Variants in PLCB4 observed in about 807,000 individuals in gnomAD.
PLCB4 encodes 1-phosphatidylinositol 4,5-bisphosphate phosphodiesterase beta-4.
Under a neutral mutation model 178.8 loss-of-function variants are expected in PLCB4, and 77 were observed. That is an observed-to-expected ratio of 0.43 (90% CI 0.36 to 0.52). The LOEUF is 0.52. Among genes scored for constraint, PLCB4 ranks in the 20% least tolerant of loss-of-function variants. The probability of loss-of-function intolerance (pLI) is 0.00; values close to 1 mark genes in which losing one functional copy is unlikely to be tolerated. For synonymous variants in PLCB4, 496 were observed against 490.8 expected, an observed-to-expected ratio of 1.01 and a Z score of -0.14; for missense variants, 1,024 against 1,453.4, an observed-to-expected ratio of 0.70 and a Z score of 4.80.
chr20:9,144,065 A>G (rs1355443861), intron 2 of PLCB4, among the ~76,000 whole-genome samples: 2 of 152,170 alleles, frequency 1.3e-5, no homozygotes, highest in Non-Finnish European at 2.9e-5. Context: ...GTTTGCTTTT[A>G]GTTTTATTTG....
At chr20:9,154,905 C>CTCCTTCCCTCCTTCCT (rs1555847682) in intron 2 of PLCB4, among the ~76,000 whole-genome samples, 87 of 62,412 alleles carry the variant, frequency 1.4e-3, no homozygotes, top group Non-Finnish European at 2.2e-3. Context: ...CCCTCCTTCC[C>CTCCTTCCCTCCTTCCT]TCCTTCCTTC....
At chr20:9,185,552 CT>C (rs1393416756) in intron 2 of PLCB4, among the ~76,000 whole-genome samples, 1 of 152,154 alleles carries the variant, frequency 6.6e-6, no homozygotes, top group Non-Finnish European at 1.5e-5. Context: ...ACACTGACCC[CT>C]CTCCGTAGCC....
intron 3 of PLCB4, among the ~76,000 whole-genome samples, chr20:9,238,839 A>G (rs1340659930): frequency 2.0e-5 from 3 of 152,178 alleles, no homozygotes; most frequent in Non-Finnish European, 4.4e-5. Context: ...AACATTTTAG[A>G]TTTTTTAATA....
chr20:9,140,717 C>A (rs563558333), intron 2 of PLCB4, among the ~76,000 whole-genome samples: 1 of 151,972 alleles, frequency 6.6e-6, no homozygotes, highest in African/African-American at 2.4e-5. Context: ...TGCCTGCTCC[C>A]CCTTCGCCTT....
intron 2 of PLCB4, among the ~76,000 whole-genome samples, chr20:9,171,855 G>A (rs111735781): frequency 7.3e-4 from 111 of 152,152 alleles, no homozygotes; most frequent in African/African-American, 2.5e-3. Context: ...ATAATTTTAA[G>A]CCTCAATGGA....
chr20:9,338,015 A>T lies in PLCB4; in HGVS notation c.173A>T (p.Gln58Leu), dbSNP rs1337773496. The T allele has an allele frequency of 6.2e-7, 1 of 1,610,232 alleles. No individual in the cohort carries two copies. The highest frequency in any genetic ancestry group is 1.3e-5 in the African/African-American group (1 of 74,998). Reference sequence around the variant, plus strand: ...TGTATTCTCTCTCTTCAGGAAGGACAGGTGCTAGAATGCTCCCTCATCAAC... The same window carrying T: ...TGTATTCTCTCTCTTCAGGAAGGACTGGTGCTAGAATGCTCCCTCATCAAC... ...LTWRSEGKEG[Q>L]VLECSLINSI... The change falls in exon 6 of 40, where the codon CAG becomes CTG. Residue 58 changes from glutamine (Q) to leucine (L), a missense_variant. Gln to Leu is a moderately radical substitution (Grantham distance 113, BLOSUM62 -2). Transcript: ENST00000378473.
intron 12 of PLCB4, among the ~76,000 whole-genome samples, chr20:9,378,813 C>G (rs2036898381): frequency 6.6e-6 from 1 of 152,066 alleles, no homozygotes; most frequent in Non-Finnish European, 1.5e-5. Context: ...CCAGAAAAGG[C>G]TGGGCCCCAT....
intron 2 of PLCB4, among the ~76,000 whole-genome samples, chr20:9,097,080 GCCCGCCACCACA>G (rs982018824): frequency 6.6e-6 from 1 of 151,774 alleles, no homozygotes; most frequent in Admixed American, 6.6e-5. Context: ...GTCTATAGGT[GCCCGCCACCACA>G]CCCAGCTAAT....
In PLCB4 at chr20:9,459,825, G is replaced by C; in HGVS notation, c.3248+15G>C. The C allele has an allele frequency of 6.4e-7, 1 of 1,568,754 alleles. No homozygotes were observed. The highest frequency in any genetic ancestry group is 8.8e-7 in the Non-Finnish European group (1 of 1,142,794). On this transcript the variant is annotated intron_variant, in intron 35 of 39. Transcript: ENST00000378473. ...TCCCATGACAGGTGGGGGAATTGCC[G>C]TCTCCAGAGTAAACATCTAATATTT... is the stretch of plus-strand genomic sequence containing the variant.
chr20:9,204,876 T>C (rs1018989512), intron 2 of PLCB4, among the ~76,000 whole-genome samples: 3 of 151,954 alleles, frequency 2.0e-5, no homozygotes, highest in African/African-American at 7.3e-5. Flanking sequence ...TAGCAGACTA[T>C]ACGTTGGATT....
intron 3 of PLCB4, among the ~76,000 whole-genome samples, chr20:9,277,458 G>T (rs1165755677): frequency 6.6e-6 from 1 of 151,926 alleles, no homozygotes; most frequent in Non-Finnish European, 1.5e-5. Flanking sequence ...TTTCCTGCTT[G>T]GGTATATGGG....
intron 14 of PLCB4, among the ~76,000 whole-genome samples, chr20:9,385,927 G>A (rs935922711): frequency 2.0e-5 from 3 of 152,126 alleles, no homozygotes; most frequent in Non-Finnish European, 4.4e-5. Context: ...AGGTTGTGGC[G>A]AGCCGAGATC....
intron 3 of PLCB4, among the ~76,000 whole-genome samples, chr20:9,293,846 C>T (rs143307527): frequency 5.9e-4 from 90 of 152,018 alleles, no homozygotes; most frequent in African/African-American, 2.1e-3. Flanking sequence ...TAAATAATAA[C>T]CAGTAAGTTT....
chr20:9,404,133 TAG>T (rs1173301376), intron 20 of PLCB4, among the ~76,000 whole-genome samples: 1 of 151,964 alleles, frequency 6.6e-6, no homozygotes, highest in Admixed American at 6.6e-5. Flanking sequence ...AGTGGTGCAG[TAG>T]AGAGGAAGAG....
chr20:9,105,465 T>C (rs1182415895), intron 2 of PLCB4, among the ~76,000 whole-genome samples: 1 of 152,054 alleles, frequency 6.6e-6, no homozygotes, highest in East Asian at 1.9e-4. Context: ...CTAGGGAACT[T>C]GACAAAATAA....
chr20:9,433,953 C>A (rs921314029), intron 28 of PLCB4, among the ~76,000 whole-genome samples: 4 of 152,088 alleles, frequency 2.6e-5, no homozygotes, highest in Admixed American at 2.6e-4. Flanking sequence ...AATACTCTTA[C>A]CCATCATTCT....
intron 26 of PLCB4, 91 bp from the exon 27 acceptor site, chr20:9,421,206 A>C: frequency 9.9e-7 from 1 of 1,012,708 alleles, no homozygotes. Context: ...GCTCCCACCC[A>C]AAAGACAGAA....
rs749937615 is a variant in PLCB4, at chr20:9,409,050, G to A, written c.1875-7G>A. 26 of 1,608,312 alleles carry A rather than the reference G, an allele frequency of 1.6e-5. No homozygotes were observed. Among genetic ancestry groups the A allele is most frequent in the Non-Finnish European group, 2.1e-5 (25 of 1,178,660 alleles). On this transcript the variant is annotated splice_polypyrimidine_tract_variant and splice_region_variant and intron_variant, in intron 23 of 39. Transcript: ENST00000378473. The stretch of plus-strand genomic sequence containing the variant: ...TCTTTTTTTCTGTTTTCCTTAATAA[G>A]TTACAGTTATAACAAACGGCAAATG...
At chr20:9,210,993 G>C (rs932030973) in intron 2 of PLCB4, among the ~76,000 whole-genome samples, 5 of 152,172 alleles carry the variant, frequency 3.3e-5, no homozygotes, top group Non-Finnish European at 7.3e-5. Context: ...TGACTGCATT[G>C]GTGAAACTTG....
Sources: allele counts gnomAD v4.1 joint callset (sites outside exome capture counted in the v4.1 genomes callset), GRCh38; gene constraint gnomAD v4.1.1; transcripts MANE v1.5; gene names NCBI Gene and HGNC (gene_info 2026-07-23, HGNC 2026-07-21).